The following DENND1B variants were observed in gnomAD, a reference collection of about 807,000 sequenced individuals.
DENND1B encodes the protein DENN domain containing 1B.
Under a neutral mutation model 90.1 loss-of-function variants are expected in DENND1B, and 59 were observed. The observed-to-expected ratio is 0.65, with a 90% confidence interval of 0.53 to 0.81. DENND1B has a LOEUF of 0.81. Among genes scored for constraint, DENND1B ranks in the 40% least tolerant of loss-of-function variants. The pLI is 0.00. For synonymous variants in DENND1B, 337 were observed against 324.6 expected, an observed-to-expected ratio of 1.04 and a Z score of -0.41; for missense variants, 862 against 912.6, an observed-to-expected ratio of 0.94 and a Z score of 0.71.
Position 197,775,135 on chromosome 1 carries a change from T to C in DENND1B, c.17+4A>G. The C allele has an allele frequency of 7.7e-7, 1 of 1,290,958 alleles. No homozygotes were observed. The highest frequency in any genetic ancestry group is 9.9e-7 in the Non-Finnish European group (1 of 1,008,718). The allele number at this position is 1,290,958 out of a possible 1,614,324, so 80.0% of individuals were successfully genotyped here. A position where few individuals can be genotyped will look rare whatever the true frequency, so the allele number is the denominator to read the frequency against. ...CCCCGACGCGCCCGGGCCCCCCCAC[T>C]CACTTGGTCCTGCAGTCCATGGTTA... On this transcript the variant is annotated splice_donor_region_variant and intron_variant, in intron 1 of 22. Transcript: ENST00000620048.
chr1:197,520,971 A>G (rs549511807), intron 20 of DENND1B, among the ~76,000 whole-genome samples: 36 of 152,128 alleles, frequency 2.4e-4, no homozygotes, highest in African/African-American at 8.7e-4. Flanking sequence ...GAAAAAGGCT[A>G]TCAGCATGCA....
At chr1:197,639,325 A>G (rs767718030) in intron 10 of DENND1B, among the ~76,000 whole-genome samples, 2 of 152,104 alleles carry the variant, frequency 1.3e-5, no homozygotes, top group African/African-American at 2.4e-5. Flanking sequence ...CGGCCTCCCA[A>G]AGTGCTGGGA....
At position 197,505,076 on chromosome 1, in the gene DENND1B, C is replaced by A. The variant is rs928152874; in HGVS notation, c.*5384G>T. ...ACTTTGGAAAAGTTCAATTTTGAAC[C>A]CCTCCTGTGGCTTTTACATAAAAAA... is the stretch of plus-strand genomic sequence containing the variant. On this transcript the variant is annotated 3_prime_UTR_variant, in exon 23 of 23. Transcript: ENST00000620048. 1.3e-4 allele frequency: 20 copies of A among 151,500 alleles called. No individual in the cohort carries two copies. The highest frequency in any genetic ancestry group is 1.6e-4 in the Non-Finnish European group (11 of 67,770). 9.4% of individuals were successfully genotyped at this position (151,500 alleles called of 1,614,324 possible). A position where few individuals can be genotyped will look rare whatever the true frequency, so the allele number is the denominator to read the frequency against.
At chr1:197,708,311 C>T (rs1424974064) in intron 3 of DENND1B, among the ~76,000 whole-genome samples, 11 of 15,676 alleles carry the variant, frequency 7.0e-4, no homozygotes, top group African/African-American at 2.3e-3. Flanking sequence ...GTAACCTCTG[C>T]AGACTTAAGT....
intron 15 of DENND1B, among the ~76,000 whole-genome samples, chr1:197,567,349 C>T (rs1177234742): frequency 6.6e-6 from 1 of 151,980 alleles, no homozygotes; most frequent in African/African-American, 2.4e-5. Context: ...GAGACTGAAT[C>T]AGTAGTCAAA....
At chr1:197,766,299 A>G (rs1655689215) in intron 2 of DENND1B, among the ~76,000 whole-genome samples, 1 of 152,190 alleles carries the variant, frequency 6.6e-6, no homozygotes, top group Non-Finnish European at 1.5e-5. Context: ...ATCCTAGTGC[A>G]TCTGAATTGA....
chr1:197,626,741 C>G (rs1157419435), intron 10 of DENND1B, among the ~76,000 whole-genome samples: 1 of 151,866 alleles, frequency 6.6e-6, no homozygotes, highest in Non-Finnish European at 1.5e-5. Flanking sequence ...AATCCAGGAG[C>G]TGGTTTTTTG....
chr1:197,519,333 T>C (rs990620793), intron 20 of DENND1B, among the ~76,000 whole-genome samples: 2 of 151,954 alleles, frequency 1.3e-5, no homozygotes, highest in Non-Finnish European at 2.9e-5. Flanking sequence ...TGAGAACCTA[T>C]TAATGAACTG....
upstream of DENND1B, among the ~76,000 whole-genome samples, chr1:197,777,574 A>T (rs2102535259): frequency 6.6e-6 from 1 of 152,328 alleles, no homozygotes; most frequent in South Asian, 2.1e-4. Context: ...CGATGGTATA[A>T]CTTTAGTAAT....
intron 10 of DENND1B, among the ~76,000 whole-genome samples, chr1:197,637,566 TC>T (rs1679905926): frequency 6.6e-6 from 1 of 152,106 alleles, no homozygotes; most frequent in African/African-American, 2.4e-5. Flanking sequence ...ACACATCCCT[TC>T]CAATAAACTG....
chr1:197,689,853 T>C (rs1204372426), intron 3 of DENND1B: 1 of 152,728 alleles, frequency 6.5e-6, no homozygotes, highest in Non-Finnish European at 1.5e-5. Context: ...GTTAGAATGG[T>C]GACAATATGC....
At chr1:197,630,559 A>C (rs983007161) in intron 10 of DENND1B, among the ~76,000 whole-genome samples, 3 of 152,158 alleles carry the variant, frequency 2.0e-5, no homozygotes, top group African/African-American at 7.2e-5. Flanking sequence ...AGTTGATGGT[A>C]AATTCTGATA....
At chr1:197,695,116 T>C (rs1246265997) in intron 3 of DENND1B, among the ~76,000 whole-genome samples, 2 of 151,224 alleles carry the variant, frequency 1.3e-5, no homozygotes, top group Non-Finnish European at 1.5e-5. Flanking sequence ...AGAATGTGAT[T>C]ATGTTTTGCC....
intron 10 of DENND1B, among the ~76,000 whole-genome samples, chr1:197,637,805 C>T (rs1679927063): frequency 6.6e-6 from 1 of 152,132 alleles, no homozygotes. Flanking sequence ...CAATTTTTAA[C>T]TGCACCACTC....
intron 5 of DENND1B, among the ~76,000 whole-genome samples, chr1:197,671,221 T>TA (rs1655469275): frequency 6.6e-6 from 1 of 152,216 alleles, no homozygotes; most frequent in Non-Finnish European, 1.5e-5. Flanking sequence ...GTTATAATAA[T>TA]AGTTTGGAGT....
At chr1:197,764,530 A>G (rs1655467976) in intron 2 of DENND1B, among the ~76,000 whole-genome samples, 1 of 152,144 alleles carries the variant, frequency 6.6e-6, no homozygotes, top group South Asian at 2.1e-4. Context: ...ATACTTATAC[A>G]CTTACTAAAG....
intron 11 of DENND1B, among the ~76,000 whole-genome samples, chr1:197,616,716 A>G (rs1463978992): frequency 6.6e-6 from 1 of 151,166 alleles, no homozygotes; most frequent in Non-Finnish European, 1.5e-5. Context: ...CTTTTATGAA[A>G]TAAGAAAGTT....
chr1:197,663,972 A>G (rs1654677525), intron 5 of DENND1B, among the ~76,000 whole-genome samples: 1 of 151,848 alleles, frequency 6.6e-6, no homozygotes, highest in African/African-American at 2.4e-5. Context: ...GGCAAAAACA[A>G]CATCATTTTT....
intron 20 of DENND1B, among the ~76,000 whole-genome samples, chr1:197,537,664 C>T (rs1319482780): frequency 2.0e-5 from 3 of 151,428 alleles, no homozygotes; most frequent in Non-Finnish European, 4.4e-5. Context: ...ATGTTATACA[C>T]GTTAAATATA....
Sources: allele counts gnomAD v4.1 joint callset (sites outside exome capture counted in the v4.1 genomes callset), GRCh38; gene constraint gnomAD v4.1.1; transcripts MANE v1.5; gene names NCBI Gene and HGNC (gene_info 2026-07-23, HGNC 2026-07-21).